EXOC1: variants seen among roughly 807,000 people sequenced by gnomAD.
The protein encoded by EXOC1 is SEC3-like 1.
EXOC1 carries 67 observed loss-of-function variants against 107.7 expected under a neutral mutation model. The observed-to-expected ratio is 0.62, with a 90% CI of 0.51 to 0.76. The LOEUF (loss-of-function observed/expected upper bound fraction) is 0.76, where lower values mean the gene tolerates loss of function less well. EXOC1 is among the 30% of genes least tolerant of loss of function. EXOC1 has a pLI of 0.00. For synonymous variants in EXOC1, 348 were observed against 353.5 expected, an observed-to-expected ratio of 0.98 and a Z score of 0.17; for missense variants, 833 against 1,055.7, an observed-to-expected ratio of 0.79 and a Z score of 2.92.
At chr4:55,874,783 A>G (rs762266164) in intron 8 of EXOC1, among the ~76,000 whole-genome samples, 3 of 152,142 alleles carry the variant, frequency 2.0e-5, no homozygotes, top group Non-Finnish European at 4.4e-5. Flanking sequence ...TACATTTACT[A>G]GGGATTTCTG....
At position 55,870,778 on chromosome 4, in the gene EXOC1, T is replaced by G. The variant is rs1266346803; in HGVS notation, c.704T>G (p.Leu235Arg). The G allele has an allele frequency of 1.9e-6, 3 of 1,613,884 alleles. No homozygotes were observed. Among genetic ancestry groups the G allele is most frequent in the Non-Finnish European group, 1.7e-6 (2 of 1,179,890 alleles). The change falls in exon 6 of 19, where the codon CTG (leucine) becomes CGG (arginine). Residue 235 changes from leucine (L) to arginine (R), a missense_variant. Leu to Arg is a moderately radical substitution (Grantham distance 102). Transcript: ENST00000381295. ...GAGGTAGATCAGATTGAATTGAAACTGAGCAGTTATGAGGAAATGCTCCAA... is the reference window on the plus strand; with the variant it reads ...GAGGTAGATCAGATTGAATTGAAACGGAGCAGTTATGAGGAAATGCTCCAA... ...LKEVDQIELK[L>R]SSYEEMLQSV...
chr4:55,891,344 G>T lies in EXOC1; in HGVS notation c.1569G>T (p.Glu523Asp). 1 of 1,613,916 alleles carries T rather than the reference G, an allele frequency of 6.2e-7. No homozygotes were observed. The highest frequency in any genetic ancestry group is 8.5e-7 in the Non-Finnish European group (1 of 1,179,898). The change falls in exon 13 of 19, where the codon GAG becomes GAT. Residue 523 changes from glutamate (E) to aspartate (D), a missense_variant. Glu to Asp is a conservative substitution (Grantham distance 45). This residue lies in a region of EXOC1 where 617 missense variants were observed against 701.3 expected (regional missense o/e 0.88). Coordinates refer to ENST00000381295, the MANE Select transcript of EXOC1 (RefSeq NM_001024924.2). ...TTGAACAGGTACTAAGTGAACTGGA[G>T]CCCCTATGTCTGGCAGAACAGGACT... ...KIFEQVLSEL[E>D]PLCLAEQDFI...
chr4:55,890,010 T>G (rs913337651), intron 11 of EXOC1, among the ~76,000 whole-genome samples: 1 of 152,128 alleles, frequency 6.6e-6, no homozygotes, highest in Non-Finnish European at 1.5e-5. Flanking sequence ...CTGTGTAGTT[T>G]CGCTTCTTTT....
intron 9 of EXOC1, among the ~76,000 whole-genome samples, chr4:55,882,575 C>T (rs1381411955): frequency 6.6e-6 from 1 of 152,100 alleles, no homozygotes; most frequent in African/African-American, 2.4e-5. Flanking sequence ...ACTGTTCTTA[C>T]ATTAGATACA....
chr4:55,857,382 G>A (rs993928296), intron 1 of EXOC1, among the ~76,000 whole-genome samples: 19 of 151,232 alleles, frequency 1.3e-4, no homozygotes, highest in African/African-American at 3.6e-4. Flanking sequence ...GGGTTTCACC[G>A]TGGTCTCGAT....
rs767216574 is a variant in EXOC1, at chr4:55,899,695, A to C, written c.2148A>C (p.Val716=). 9 of 1,610,354 alleles carry C rather than the reference A, an allele frequency of 5.6e-6. No homozygotes were observed. In the South Asian group the frequency reaches 1.0e-4, roughly 18 times the overall value. Residue 716 remains valine (V), a synonymous_variant, in exon 17 of 19, where the codon GTA becomes GTC. Transcript: ENST00000381295. ...IRGVFVNVEK[V]ANESQKTPRD... ...CTGTTTTGGTTTTAGTGGAGAAAGT[A>C]GCAAATGAAAGCCAGAAGACCCCCA...
At chr4:55,873,528 T>C (rs1560340294) in intron 8 of EXOC1, among the ~76,000 whole-genome samples, 1 of 152,220 alleles carries the variant, frequency 6.6e-6, no homozygotes, top group South Asian at 2.1e-4. Flanking sequence ...TAGTCTTTTC[T>C]GTACCCTTAA....
intron 16 of EXOC1, among the ~76,000 whole-genome samples, chr4:55,897,198 C>G (rs1484513721): frequency 6.6e-6 from 1 of 150,908 alleles, no homozygotes; most frequent in African/African-American, 2.4e-5. Flanking sequence ...ATGATCTTGG[C>G]TCACTGCAAC....
chr4:55,891,136 T>TA (rs1724497536), intron 12 of EXOC1, among the ~76,000 whole-genome samples, 179 bp from the exon 13 acceptor site: 1 of 152,256 alleles, frequency 6.6e-6, no homozygotes. Context: ...ACCTTGCTAA[T>TA]ACCATTGTCC....
intron 8 of EXOC1, among the ~76,000 whole-genome samples, chr4:55,873,912 T>C (rs952821860): frequency 6.6e-6 from 1 of 152,140 alleles, no homozygotes; most frequent in African/African-American, 2.4e-5. Context: ...ACTCACTGTC[T>C]ACCATATATA....
At chr4:55,856,115 C>T (rs1274371683) in intron 1 of EXOC1, among the ~76,000 whole-genome samples, 4 of 152,120 alleles carry the variant, frequency 2.6e-5, no homozygotes, top group Admixed American at 6.5e-5. Context: ...GATTAATTGC[C>T]GAGCAGCATT....
chr4:55,898,639 TTCCC>T (rs1406374762), intron 16 of EXOC1, among the ~76,000 whole-genome samples: 5 of 152,230 alleles, frequency 3.3e-5, no homozygotes, highest in African/African-American at 1.2e-4. Context: ...AACTTTTAAA[TTCCC>T]TGTCCCTCTC....
chr4:55,884,791 A>G (rs1019645601), intron 10 of EXOC1, among the ~76,000 whole-genome samples: 1 of 152,218 alleles, frequency 6.6e-6, no homozygotes, highest in African/African-American at 2.4e-5. Context: ...AAGCAACTTC[A>G]GTAATCAAGA....
At chr4:55,887,132 T>A (rs577973541) in intron 10 of EXOC1, among the ~76,000 whole-genome samples, 39 of 152,314 alleles carry the variant, frequency 2.6e-4, no homozygotes, top group African/African-American at 9.1e-4. Context: ...AATTTTTTTT[T>A]AGTCACCATT....
rs1724534271 is a variant in EXOC1 at position 55,891,434 on chromosome 4, A to G, written c.1647+12A>G. ...TGCCTGGAACTATGGTATGGCTCAC[A>G]GTGTATTTTGGATAGTATTTATGAT... is the stretch of plus-strand genomic sequence containing the variant. On this transcript the variant is annotated intron_variant, in intron 13 of 18. Coordinates refer to ENST00000381295, the MANE Select transcript of EXOC1 (RefSeq NM_001024924.2). The G allele has an allele frequency of 6.5e-7, 1 of 1,530,150 alleles. No individual in the cohort carries two copies. Among genetic ancestry groups the G allele is most frequent in the Non-Finnish European group, 9.1e-7 (1 of 1,103,786 alleles). The allele number at this position is 1,530,150 out of a possible 1,614,324, so 94.8% of individuals were successfully genotyped here. A position where few individuals can be genotyped will look rare whatever the true frequency, so the allele number is the denominator to read the frequency against.
rs1268889178 is a variant in EXOC1, at chr4:55,904,612, TG to T, written c.*118del. The T allele has an allele frequency of 4.6e-5, 50 of 1,076,854 alleles. 1 individual carries two copies. In the African/African-American group the frequency reaches 6.5e-4, roughly 14 times the overall value. 66.7% of individuals were successfully genotyped at this position (1,076,854 alleles called of 1,614,324 possible). ...ACTTAAAATTTTATGTATTATTAAA[TG>T]TTAGATAAATGGGTAGTACCATACT... On this transcript the variant is annotated 3_prime_UTR_variant, in exon 19 of 19. Transcript: ENST00000381295.
At chr4:55,873,708 C>T (rs144278244) in intron 8 of EXOC1, among the ~76,000 whole-genome samples, 304 of 152,204 alleles carry the variant, frequency 2.0e-3, no homozygotes, top group African/African-American at 6.9e-3. Flanking sequence ...GTGCCAAAAA[C>T]GGTGGAAGAA....
intron 4 of EXOC1, among the ~76,000 whole-genome samples, chr4:55,864,972 A>G (rs1175491296): frequency 6.6e-6 from 1 of 152,222 alleles, no homozygotes; most frequent in African/African-American, 2.4e-5. Context: ...CTAACTAGCT[A>G]TATGACTTTG....
chr4:55,864,527 T>A, intron 4 of EXOC1, 141 bp downstream of exon 4: 1 of 739,242 alleles, frequency 1.4e-6, no homozygotes, highest in Admixed American at 3.4e-5. Context: ...TTGCAGAAAT[T>A]ATGCTTGTTT....
Sources: gnomAD v4.1 joint callset for allele counts (sites outside exome capture counted in the v4.1 genomes callset) on GRCh38, gnomAD v4.1.1 for gene constraint, gnomAD v4.1.1 regional missense constraint, MANE v1.5 for transcripts, NCBI Gene and HGNC (gene_info 2026-07-23, HGNC 2026-07-21) for gene names.